The following LRMDA variants were observed in gnomAD, a reference collection of about 807,000 sequenced individuals.
LRMDA encodes leucine rich melanocyte differentiation associated.
A neutral mutation model predicts 29.8 loss-of-function variants in LRMDA; 18 were observed. That is an observed-to-expected ratio of 0.60 (90% CI 0.42 to 0.90). The LOEUF is 0.90. Ranked by LOEUF, LRMDA falls within the 40% of genes least tolerant of loss-of-function variation. LRMDA has a pLI of 0.00. For missense variants in LRMDA, 273 were observed against 273.9 expected (o/e 1.00, Z 0.02); for synonymous variants, 125 against 109.4 (o/e 1.14, Z -0.89).
chr10:76,521,944 T>A (rs1459632137), intron 6 of LRMDA, among the ~76,000 whole-genome samples: 3 of 152,202 alleles, frequency 2.0e-5, no homozygotes, highest in African/African-American at 7.2e-5. Context: ...ACAGTTGTCT[T>A]CAGTATTTGC....
intron 5 of LRMDA, among the ~76,000 whole-genome samples, chr10:76,259,653 G>C (rs1039360843): frequency 2.6e-5 from 4 of 152,064 alleles, no homozygotes; most frequent in African/African-American, 9.7e-5. Context: ...CCAATGCTGA[G>C]AGTAAGGTGT....
chr10:76,177,035 G>A (rs920181375), intron 5 of LRMDA, among the ~76,000 whole-genome samples: 2 of 152,170 alleles, frequency 1.3e-5, no homozygotes, highest in African/African-American at 4.8e-5. Context: ...ACCCAATGGT[G>A]TGTTGTTTAT....
intron 2 of LRMDA, among the ~76,000 whole-genome samples, chr10:75,908,847 A>T (rs1845799754): frequency 6.6e-6 from 1 of 152,210 alleles, no homozygotes; most frequent in Non-Finnish European, 1.5e-5. Flanking sequence ...AAATAGAAGG[A>T]GCCTGGGCCC....
chr10:76,324,195 G>A (rs1038847994), intron 5 of LRMDA, among the ~76,000 whole-genome samples: 1 of 151,972 alleles, frequency 6.6e-6, no homozygotes, highest in Non-Finnish European at 1.5e-5. Flanking sequence ...TATTCCATAT[G>A]TACTGAGGCC....
At chr10:76,546,186 C>G (rs1843419210) in intron 6 of LRMDA, among the ~76,000 whole-genome samples, 1 of 152,208 alleles carries the variant, frequency 6.6e-6, no homozygotes, top group Non-Finnish European at 1.5e-5. Flanking sequence ...CAATGTACTG[C>G]ATACCTACTG....
intron 2 of LRMDA, among the ~76,000 whole-genome samples, chr10:75,564,912 C>T (rs1460470298): frequency 1.3e-5 from 2 of 152,204 alleles, no homozygotes; most frequent in Admixed American, 1.3e-4. Flanking sequence ...CATGATTTTA[C>T]ATAAATGTCA....
At chr10:75,894,337 G>A (rs1360018166) in intron 2 of LRMDA, among the ~76,000 whole-genome samples, 1 of 152,156 alleles carries the variant, frequency 6.6e-6, no homozygotes, top group Non-Finnish European at 1.5e-5. Flanking sequence ...TCTCATCCAG[G>A]TCTCTGCAAA....
intron 2 of LRMDA, among the ~76,000 whole-genome samples, chr10:75,861,767 T>C (rs1844934868): frequency 6.6e-6 from 1 of 152,278 alleles, no homozygotes; most frequent in Non-Finnish European, 1.5e-5. Context: ...TCCTAGTAGT[T>C]CCCTTTTATA....
chr10:75,794,358 T>C (rs1490061536), intron 2 of LRMDA, among the ~76,000 whole-genome samples: 1 of 152,222 alleles, frequency 6.6e-6, no homozygotes, highest in Non-Finnish European at 1.5e-5. Context: ...ATTTGGACTA[T>C]TTATAGCTTT....
chr10:76,182,746 A>T (rs1454313038), intron 5 of LRMDA, among the ~76,000 whole-genome samples: 1 of 152,210 alleles, frequency 6.6e-6, no homozygotes, highest in African/African-American at 2.4e-5. Flanking sequence ...TGAAAGCAGT[A>T]AAGAACTGTG....
chr10:76,046,155 T>C (rs1165369675), intron 3 of LRMDA, among the ~76,000 whole-genome samples: 1 of 152,134 alleles, frequency 6.6e-6, no homozygotes, highest in Admixed American at 6.5e-5. Context: ...CTCATATGTC[T>C]CTCGAAGTCA....
intron 2 of LRMDA, among the ~76,000 whole-genome samples, chr10:75,699,294 C>T (rs1842277158): frequency 6.6e-6 from 1 of 151,908 alleles, no homozygotes; most frequent in South Asian, 2.1e-4. Context: ...GCCAAAAATA[C>T]ATTTGAAAAT....
intron 5 of LRMDA, among the ~76,000 whole-genome samples, chr10:76,188,195 T>C (rs1851182144): frequency 6.6e-6 from 1 of 152,236 alleles, no homozygotes; most frequent in Non-Finnish European, 1.5e-5. Flanking sequence ...GATGCATCCA[T>C]TGATTCTCAT....
At chr10:75,671,581 C>T (rs1371837509) in intron 2 of LRMDA, among the ~76,000 whole-genome samples, 1 of 152,050 alleles carries the variant, frequency 6.6e-6, no homozygotes, top group Admixed American at 6.6e-5. Context: ...GTGGGAGTTG[C>T]ACAATGAGAA....
intron 2 of LRMDA, among the ~76,000 whole-genome samples, chr10:76,015,533 G>A (rs1046562957): frequency 6.6e-6 from 1 of 152,200 alleles, no homozygotes; most frequent in South Asian, 2.1e-4. Flanking sequence ...AAAGACAGAA[G>A]TCAGTGTTTT....
chr10:75,676,294 G>A (rs531145533), intron 2 of LRMDA, among the ~76,000 whole-genome samples: 2 of 152,316 alleles, frequency 1.3e-5, no homozygotes, highest in African/African-American at 4.8e-5. Flanking sequence ...CTGTGGTCAG[G>A]ACTAAACCTG....
intron 2 of LRMDA, among the ~76,000 whole-genome samples, chr10:75,626,768 G>A (rs543035231): frequency 2.4e-4 from 36 of 152,288 alleles, no homozygotes; most frequent in Middle Eastern, 3.4e-3. Context: ...GCCATCTTCT[G>A]CCTGTATGGC....
chr10:75,777,513 A>C (rs897553891), intron 2 of LRMDA, among the ~76,000 whole-genome samples: 7 of 152,224 alleles, frequency 4.6e-5, no homozygotes, highest in African/African-American at 1.7e-4. Flanking sequence ...TGCTTCTGCA[A>C]CAAGCTGCTT....
intron 2 of LRMDA, among the ~76,000 whole-genome samples, chr10:76,020,787 T>C (rs564509476): frequency 2.6e-5 from 4 of 152,200 alleles, no homozygotes; most frequent in Non-Finnish European, 5.9e-5. Context: ...GAATAGAATA[T>C]AGACTATGGT....
Sources: allele counts gnomAD v4.1 joint callset (sites outside exome capture counted in the v4.1 genomes callset), GRCh38; gene constraint gnomAD v4.1.1; transcripts MANE v1.5; gene names NCBI Gene and HGNC (gene_info 2026-07-23, HGNC 2026-07-21).